GPC3: variants seen among roughly 807,000 people sequenced by gnomAD.
GPC3 encodes glypican 3.
GPC3 carries 3 observed loss-of-function variants against 34.4 expected under a neutral mutation model. That is an observed-to-expected ratio of 0.09 (90% CI 0.04 to 0.23). The LOEUF (loss-of-function observed/expected upper bound fraction) is 0.23, where lower values mean the gene tolerates loss of function less well. Among genes scored for constraint, GPC3 ranks in the 10% least tolerant of loss-of-function variants. GPC3 has a pLI of 1.00. For synonymous variants in GPC3, 177 were observed against 174.0 expected (o/e 1.02, Z -0.13); for missense variants, 351 against 445.6 (o/e 0.79, Z 1.91).
At chrX:133,650,104 C>G (rs2070583506) in intron 6 of GPC3, among the ~76,000 whole-genome samples, 1 of 111,651 alleles carries the variant, frequency 9.0e-6, no homozygotes, top group East Asian at 2.8e-4. Flanking sequence ...TTATATGCTG[C>G]TCAAAATCAT....
At chrX:133,599,416 G>A (rs1040535002) in intron 6 of GPC3, among the ~76,000 whole-genome samples, 6 of 112,047 alleles carry the variant, frequency 5.4e-5, no homozygotes, top group African/African-American at 1.9e-4. Flanking sequence ...AATTCATCCT[G>A]TGGTGTCTTG....
chrX:133,688,160 A>C, intron 5 of GPC3, among the ~76,000 whole-genome samples: 1 of 112,302 alleles, frequency 8.9e-6, no homozygotes, highest in Non-Finnish European at 1.9e-5. Flanking sequence ...AGTTTGACAA[A>C]GGCAGAAGCT....
chrX:133,971,584 T>C (rs1022227164), intron 1 of GPC3, among the ~76,000 whole-genome samples: 1 of 111,339 alleles, frequency 9.0e-6, no homozygotes, highest in Non-Finnish European at 1.9e-5. Flanking sequence ...CATCTTTTTT[T>C]TAAGAGAGAA....
At chrX:133,759,449 T>C (rs1171534255) in intron 2 of GPC3, among the ~76,000 whole-genome samples, 4 of 111,433 alleles carry the variant, frequency 3.6e-5, no homozygotes, top group East Asian at 2.8e-4. Flanking sequence ...AGCCCAGAAA[T>C]AGACCCACAC....
chrX:133,727,573 G>A (rs2071422468), intron 3 of GPC3, among the ~76,000 whole-genome samples: 1 of 110,684 alleles, frequency 9.0e-6, no homozygotes, highest in Admixed American at 9.6e-5. Flanking sequence ...GTGATATGTG[G>A]CAACTTTTAA....
chrX:133,733,913 A>C (rs1337953485), intron 3 of GPC3, among the ~76,000 whole-genome samples: 1 of 111,968 alleles, frequency 8.9e-6, no homozygotes, highest in Admixed American at 9.5e-5. Flanking sequence ...ACTTTCCACA[A>C]AAAAAAGCAT....
intron 2 of GPC3, among the ~76,000 whole-genome samples, chrX:133,951,007 T>C (rs2076389971): frequency 9.2e-6 from 1 of 109,021 alleles, no homozygotes; most frequent in Non-Finnish European, 1.9e-5. Context: ...CATGTTCCTT[T>C]GCTAGGGTTG....
Position 133,841,215 on chromosome X carries a change from A to ATTTTTT in GPC3, c.338-87045_338-87040dup, listed in dbSNP as rs769696321. ...ACCACCATGCCTGGCTAATCTTTTA[A>ATTTTTT]TTTTTTTTTTTTTTTTTTTTTTTGG... On this transcript the variant is annotated intron_variant, in intron 2 of 7. Coordinates refer to ENST00000370818, the MANE Select transcript of GPC3 (RefSeq NM_004484.4). 3.8e-4 allele frequency among the ~76,000 whole-genome samples: 15 copies of ATTTTTT among 39,248 alleles called. 4 individuals are homozygous for ATTTTTT. The highest frequency in any genetic ancestry group is 7.0e-4 in the Non-Finnish European group (13 of 18,663). 34.1% of individuals were successfully genotyped at this position (39,248 alleles called of 115,157 possible).
chrX:133,921,577 A>G (rs2076247761), intron 2 of GPC3, among the ~76,000 whole-genome samples: 1 of 112,098 alleles, frequency 8.9e-6, no homozygotes, highest in African/African-American at 3.2e-5. Context: ...CCCAGTTCCT[A>G]TGTGATTCCA....
Position 133,640,395 on chromosome X carries a change from C to T in GPC3, c.1413+21335G>A, listed in dbSNP as rs748402559. Among the ~76,000 whole-genome samples, 12 of 111,920 alleles carry T rather than the reference C, an allele frequency of 1.1e-4. No individual in the cohort carries two copies. The East Asian group carries it at 1.4e-3, about 13-fold the overall frequency. On this transcript the variant is annotated intron_variant, in intron 6 of 7. Transcript: ENST00000370818. ...TCCCCCTCCCCTGCATTTTCTCTAA[C>T]AACTGTGATGTCAAATGCAATTATT...
chrX:133,710,026 A>G (rs965253861), intron 3 of GPC3, among the ~76,000 whole-genome samples: 1 of 111,947 alleles, frequency 8.9e-6, no homozygotes, highest in African/African-American at 3.2e-5. Flanking sequence ...CACCTTTCAG[A>G]CATTTTGCTG....
intron 2 of GPC3, among the ~76,000 whole-genome samples, chrX:133,909,321 C>G (rs947637745): frequency 2.4e-4 from 27 of 112,345 alleles, no homozygotes; most frequent in Middle Eastern, 4.6e-3. Flanking sequence ...AGAAGACTCT[C>G]AAATGTTCTG....
intron 2 of GPC3, among the ~76,000 whole-genome samples, chrX:133,764,419 G>GA (rs994844536): frequency 4.5e-5 from 5 of 111,660 alleles, no homozygotes; most frequent in African/African-American, 1.6e-4. Context: ...GCTGAAATTA[G>GA]AAAAAATGCC....
chrX:133,875,767 T>C (rs1218353815), intron 2 of GPC3, among the ~76,000 whole-genome samples: 1 of 111,230 alleles, frequency 9.0e-6, no homozygotes, highest in African/African-American at 3.3e-5. Flanking sequence ...TGGTACTCTG[T>C]AGATGCTCAA....
At chrX:133,959,114 G>A in intron 1 of GPC3, among the ~76,000 whole-genome samples, 1 of 111,669 alleles carries the variant, frequency 9.0e-6, no homozygotes, top group Non-Finnish European at 1.9e-5. Context: ...GCTTTCTTCT[G>A]AGGCATACTC....
At chrX:133,707,753 A>G (rs991671123) in intron 3 of GPC3, among the ~76,000 whole-genome samples, 1 of 110,901 alleles carries the variant, frequency 9.0e-6, no homozygotes, top group Admixed American at 9.6e-5. Flanking sequence ...ATAATTTTTT[A>G]ATGGGGGGGC....
chrX:133,623,659 C>G (rs764554890), intron 6 of GPC3, among the ~76,000 whole-genome samples: 21 of 111,893 alleles, frequency 1.9e-4, no homozygotes, highest in Admixed American at 5.7e-4. Flanking sequence ...ATTCATAAAG[C>G]AAGTCCTTAG....
At chrX:133,593,354 T>TAAAAAAAAAAAAAAAAAGAA (rs2069874595) in intron 7 of GPC3, among the ~76,000 whole-genome samples, 3 of 47,716 alleles carry the variant, frequency 6.3e-5, no homozygotes, top group African/African-American at 1.7e-4. Context: ...AAAAAAAAAG[T>TAAAAAAAAAAAAAAAAAGAA]AAAAAAAAAA....
chrX:133,891,017 G>A (rs183404400), intron 2 of GPC3, among the ~76,000 whole-genome samples: 303 of 109,346 alleles, frequency 2.8e-3, no homozygotes, highest in Non-Finnish European at 4.5e-3. Flanking sequence ...TGACATAGAG[G>A]GACACTGTCT....
Sources: allele counts gnomAD v4.1 joint callset (sites outside exome capture counted in the v4.1 genomes callset), GRCh38; gene constraint gnomAD v4.1.1; transcripts MANE v1.5; gene names NCBI Gene and HGNC (gene_info 2026-07-23, HGNC 2026-07-21).